CA6: variants seen among roughly 807,000 people sequenced by gnomAD.
CA6 encodes the protein carbonic anhydrase 6.
In CA6, 28 loss-of-function variants were observed where a neutral mutation model predicts 35.9. That is an observed-to-expected ratio of 0.78 (90% CI 0.58 to 1.07). The LOEUF (loss-of-function observed/expected upper bound fraction) is 1.07, where lower values mean the gene tolerates loss of function less well. Among genes scored for constraint, CA6 ranks in the 50% least tolerant of loss-of-function variants. The pLI is 0.00. For synonymous variants in CA6, 148 were observed against 152.6 expected (o/e 0.97, Z 0.22); for missense variants, 377 against 382.0 (o/e 0.99, Z 0.11).
At chr1:8,946,679 T>C (rs1007725059) in intron 1 of CA6, among the ~76,000 whole-genome samples, 1 of 152,056 alleles carries the variant, frequency 6.6e-6, no homozygotes, top group Admixed American at 6.6e-5. Flanking sequence ...CGGAAGGTGC[T>C]GTGGGGTTTG....
At position 8,951,637 on chromosome 1, in the gene CA6, T is replaced by C. The variant is rs1367294509; in HGVS notation, c.259+2195T>C. 5.2e-6 allele frequency: 4 copies of C among 765,206 alleles called. No homozygotes were observed. The Admixed American group carries it at 6.8e-5, about 13-fold the overall frequency. 47.4% of individuals were successfully genotyped at this position (765,206 alleles called of 1,614,324 possible). ...GGCATATGGAAGAGAAGAGCCCAGCTTCCCAAGGGGCTTGCAGCGGCTCCC... is the reference window on the plus strand; with the variant it reads ...GGCATATGGAAGAGAAGAGCCCAGCCTCCCAAGGGGCTTGCAGCGGCTCCC... On this transcript the variant is annotated intron_variant, in intron 2 of 7. Coordinates refer to ENST00000377443, the MANE Select transcript of CA6 (RefSeq NM_001215.4).
Position 8,963,096 on chromosome 1 carries a change from C to T in CA6, c.571+440C>T, listed in dbSNP as rs753673934. 1.3e-5 allele frequency among the ~76,000 whole-genome samples: 2 copies of T among 152,084 alleles called. No homozygotes were observed. The highest frequency in any genetic ancestry group is 2.4e-5 in the African/African-American group (1 of 41,418). On this transcript the variant is annotated intron_variant, in intron 5 of 7. Transcript: ENST00000377443. This position sits in a 1 kb window ranked among gnomAD's most constrained non-coding sequence, Gnocchi z 4.1. ...CTTCCGTCCCCTCTCCTCCAGAGGG[C>T]GGCGTTCTTGTAAGAGCCATTTCCC...
Position 8,962,725 on chromosome 1 carries a change from CA to C in CA6, c.571+70del, listed in dbSNP as rs3215813. On this transcript the variant is annotated intron_variant, in intron 5 of 7. Coordinates refer to ENST00000377443, the MANE Select transcript of CA6 (RefSeq NM_001215.4). ...TGTGAGTGTGAGTGTGAGGTGGGCCCAGGGGGCAGGGGATTGATGCTGGTGG... is the reference window on the plus strand; with the variant it reads ...TGTGAGTGTGAGTGTGAGGTGGGCCCGGGGGCAGGGGATTGATGCTGGTGG... 353 of 1,339,826 alleles carry C rather than the reference CA, an allele frequency of 2.6e-4. 1 individual carries two copies. The East Asian group carries it at 7.5e-3, about 28-fold the overall frequency. 83.0% of individuals were successfully genotyped at this position (1,339,826 alleles called of 1,614,324 possible).
chr1:8,973,708 C>G (rs1185124025), intron 7 of CA6, among the ~76,000 whole-genome samples: 1 of 111,518 alleles, frequency 9.0e-6, no homozygotes, highest in South Asian at 3.2e-4. Context: ...TTTTCTTTCT[C>G]TCTCTTTCTT....
At chr1:8,953,827 C>G (rs1639604564) in intron 2 of CA6, among the ~76,000 whole-genome samples, 1 of 152,158 alleles carries the variant, frequency 6.6e-6, no homozygotes, top group African/African-American at 2.4e-5. Context: ...GAGGTTAAGG[C>G]ATTCTCAGTC....
chr1:8,956,466 C>T (rs976750522), intron 2 of CA6, among the ~76,000 whole-genome samples: 5 of 151,994 alleles, frequency 3.3e-5, no homozygotes, highest in African/African-American at 9.7e-5. Context: ...TCGAGACCAG[C>T]GTAACCAATA....
chr1:8,967,726 C>T lies in CA6; in HGVS notation c.639C>T (p.Tyr213=), dbSNP rs760890660. The T allele has an allele frequency of 1.2e-6, 2 of 1,614,030 alleles. No individual in the cohort carries two copies. Among genetic ancestry groups the T allele is most frequent in the Non-Finnish European group, 1.7e-6 (2 of 1,179,922 alleles). The change falls in exon 6 of 8, where the codon TAC becomes TAT. Residue 213 remains tyrosine, a synonymous_variant. Coordinates refer to ENST00000377443, the MANE Select transcript of CA6 (RefSeq NM_001215.4). ...TGCCCAGGAACCTCCAGCACTACTA[C>T]ACCTACCATGGCTCACTCACCACGC... ...DMLPRNLQHY[Y]TYHGSLTTPP... is the part of the protein sequence containing the mutation.
intron 6 of CA6, among the ~76,000 whole-genome samples, chr1:8,968,980 T>A (rs1464656129): frequency 6.6e-6 from 1 of 150,582 alleles, no homozygotes; most frequent in South Asian, 2.1e-4. Context: ...ATTGCACTAC[T>A]GCACTCCAGC....
Position 8,949,469 on chromosome 1 carries a change from C to T in CA6, c.259+27C>T, listed in dbSNP as rs779958754. 12 of 1,594,034 alleles carry T rather than the reference C, an allele frequency of 7.5e-6. No individual in the cohort carries two copies. In the Admixed American group the frequency reaches 2.0e-4, roughly 27 times the overall value. ...TAAGAGGAAGGGGTGGTGAGGGGCT[C>T]CAGTCCATGGGCAGCCTGCAGGGGA... On this transcript the variant is annotated intron_variant, in intron 2 of 7. Coordinates refer to ENST00000377443, the MANE Select transcript of CA6 (RefSeq NM_001215.4).
At chr1:8,953,451 T>C (rs1261758104) in intron 2 of CA6, among the ~76,000 whole-genome samples, 1 of 152,018 alleles carries the variant, frequency 6.6e-6, no homozygotes, top group Non-Finnish European at 1.5e-5. Context: ...TAGTGAGACC[T>C]ACGAAAGTAA....
At chr1:8,967,608 A>T in intron 5 of CA6, 51 bp from the exon 6 acceptor site, 1 of 1,547,842 alleles carries the variant, frequency 6.5e-7, no homozygotes, top group East Asian at 2.2e-5. Context: ...TGTCCTCCCG[A>T]GGGGCAGCGC....
At chr1:8,951,084 C>G (rs768231934) in intron 2 of CA6, among the ~76,000 whole-genome samples, 1 of 145,068 alleles carries the variant, frequency 6.9e-6, no homozygotes, top group Non-Finnish European at 1.5e-5. Flanking sequence ...GGCGTGGTGG[C>G]GCATGCCTGT....
intron 2 of CA6, among the ~76,000 whole-genome samples, chr1:8,953,032 C>T (rs1639583301): frequency 6.6e-6 from 1 of 152,182 alleles, no homozygotes; most frequent in African/African-American, 2.4e-5. Context: ...TCCACCTGTT[C>T]ATCTTTCCCT....
In CA6 at chr1:8,970,570, G is replaced by A. The variant is rs578149627; in HGVS notation, c.730-297G>A. Among the ~76,000 whole-genome samples, 77 of 152,036 alleles carry A rather than the reference G, an allele frequency of 5.1e-4. 1 individual carries two copies. The highest frequency in any genetic ancestry group is 1.6e-3 in the African/African-American group (67 of 41,476). The stretch of plus-strand genomic sequence containing the variant: ...GTCTCCCAGGCTGGAGTGCGGTTGC[G>A]TGATACTGGCTTACTGCAGCCTCTG... On this transcript the variant is annotated intron_variant, in intron 6 of 7. Transcript: ENST00000377443.
At chr1:8,973,526 G>C (rs1483523398) in intron 7 of CA6, among the ~76,000 whole-genome samples, 1 of 152,174 alleles carries the variant, frequency 6.6e-6, no homozygotes, top group East Asian at 1.9e-4. Flanking sequence ...TCCATGCTGT[G>C]ATTTGTCTGT....
chr1:8,958,717 C>G (rs746095736), intron 3 of CA6, among the ~76,000 whole-genome samples, 193 bp from the exon 4 acceptor site: 1 of 152,160 alleles, frequency 6.6e-6, no homozygotes, highest in African/African-American at 2.4e-5. Context: ...TCTTTCCATT[C>G]TTGGGGAAGT....
rs3737665 is a variant in CA6, at chr1:8,970,905, C to G, written c.768C>G (p.Asn256Lys). ...KLENSLLDHR[N>K]KTIHNDYRRT... ...AGAATTCCTTACTGGATCACCGCAACAAGACCATCCACAACGATTACCGCA... is the reference window on the plus strand; with the variant it reads ...AGAATTCCTTACTGGATCACCGCAAGAAGACCATCCACAACGATTACCGCA... The change falls in exon 7 of 8, where the codon AAC (asparagine) becomes AAG (lysine). Residue 256 changes from asparagine (N) to lysine (K), a missense_variant. Coordinates refer to ENST00000377443, the MANE Select transcript of CA6 (RefSeq NM_001215.4). The G allele has an allele frequency of 1.2e-6, 2 of 1,611,978 alleles. No homozygotes were observed. The highest frequency in any genetic ancestry group is 1.3e-5 in the African/African-American group (1 of 74,816).
intron 5 of CA6, among the ~76,000 whole-genome samples, chr1:8,965,680 G>A (rs1184413791): frequency 6.6e-6 from 1 of 152,106 alleles, no homozygotes; most frequent in African/African-American, 2.4e-5. Context: ...TTGAGGTCAG[G>A]AGTTTGAGAT....
intron 6 of CA6, 104 bp downstream of exon 6, chr1:8,967,920 A>G (rs1640013546): frequency 3.0e-6 from 3 of 998,142 alleles, no homozygotes; most frequent in South Asian, 1.6e-5. Flanking sequence ...GGGGTCCTAC[A>G]GTATTTTCTG....
Sources: gnomAD v4.1 joint callset for allele counts (sites outside exome capture counted in the v4.1 genomes callset) on GRCh38, gnomAD v4.1.1 for gene constraint, Gnocchi (gnomAD v3.1) non-coding constraint, MANE v1.5 for transcripts, NCBI Gene and HGNC (gene_info 2026-07-23, HGNC 2026-07-21) for gene names.